SNAP25: variants seen among roughly 807,000 people sequenced by gnomAD.
SNAP25 encodes the protein synaptosomal-associated protein 25.
SNAP25 carries 3 observed loss-of-function variants against 28.7 expected under a neutral mutation model. The observed-to-expected ratio is 0.10, with a 90% CI of 0.05 to 0.27. The LOEUF (loss-of-function observed/expected upper bound fraction) is 0.27. Ranked by LOEUF, SNAP25 falls within the 10% of genes least tolerant of loss-of-function variation. The pLI is 1.00. For synonymous variants in SNAP25, 61 were observed against 88.1 expected, an observed-to-expected ratio of 0.69 and a Z score of 1.72; for missense variants, 117 against 278.7, an observed-to-expected ratio of 0.42 and a Z score of 4.13.
intron 4 of SNAP25, among the ~76,000 whole-genome samples, chr20:10,289,812 T>A (rs1174709120): frequency 1.3e-5 from 2 of 151,122 alleles, no homozygotes; most frequent in African/African-American, 4.9e-5. Flanking sequence ...GAGAGATTAG[T>A]AGAAATTTTG....
intron 1 of SNAP25, among the ~76,000 whole-genome samples, chr20:10,262,666 G>A (rs1239971127): frequency 2.0e-5 from 3 of 152,162 alleles, no homozygotes; most frequent in Admixed American, 2.0e-4. Flanking sequence ...AGGGATTTAT[G>A]TGATAGTGAT....
Position 10,218,847 on chromosome 20 carries a change from A to C in SNAP25, c.-194A>C, listed in dbSNP as rs753075273. 2 of 151,766 alleles carry C rather than the reference A, an allele frequency of 1.3e-5. No individual in the cohort carries two copies. The highest frequency in any genetic ancestry group is 2.4e-5 in the African/African-American group (1 of 41,318). The allele number at this position is 151,766 out of a possible 1,614,324, so 9.4% of individuals were successfully genotyped here. A position where few individuals can be genotyped will look rare whatever the true frequency, so the allele number is the denominator to read the frequency against. On this transcript the variant is annotated 5_prime_UTR_variant, in exon 1 of 8. Transcript: ENST00000254976. ...GGACGGCCATCTTTGATGAGGGCAG[A>C]GCTCACGTTGCATTGAAGACGAAAC...
intron 1 of SNAP25, among the ~76,000 whole-genome samples, chr20:10,241,484 G>A (rs541661393): frequency 9.9e-5 from 15 of 152,182 alleles, no homozygotes; most frequent in African/African-American, 3.6e-4. Context: ...CTCTCGGGGT[G>A]ATTAAATTTT....
At chr20:10,304,163 T>A (rs2064301944) in intron 7 of SNAP25, among the ~76,000 whole-genome samples, 1 of 152,250 alleles carries the variant, frequency 6.6e-6, no homozygotes, top group South Asian at 2.1e-4. Flanking sequence ...ATTCAGACTC[T>A]GGTTTCTCCA....
chr20:10,306,022 AG>A (rs1240094454), intron 7 of SNAP25, 106 bp from the exon 8 acceptor site: 2 of 905,404 alleles, frequency 2.2e-6, no homozygotes, highest in East Asian at 2.6e-5. Context: ...CTGACCAAGG[AG>A]GTTTTAAGTG....
intron 1 of SNAP25, among the ~76,000 whole-genome samples, chr20:10,239,835 G>A (rs2062992826): frequency 6.6e-6 from 1 of 152,176 alleles, no homozygotes; most frequent in African/African-American, 2.4e-5. Flanking sequence ...AGGAGCAGAG[G>A]AGGACAAGAC....
intron 4 of SNAP25, among the ~76,000 whole-genome samples, chr20:10,287,078 T>C (rs4642009): frequency 0.91 from 137,859 of 152,176 alleles, 62,657 homozygotes; most frequent in African/African-American, 0.98. Flanking sequence ...CTAGGCATTA[T>C]CATTCAGGAC....
At position 10,306,240 on chromosome 20, in the gene SNAP25, T is replaced by C; in HGVS notation, c.*43T>C. 6.4e-7 allele frequency: 1 copy of C among 1,571,818 alleles called. No homozygotes were observed. The highest frequency in any genetic ancestry group is 8.8e-7 in the Non-Finnish European group (1 of 1,142,254). On this transcript the variant is annotated 3_prime_UTR_variant, in exon 8 of 8. Coordinates refer to ENST00000254976, the MANE Select transcript of SNAP25 (RefSeq NM_130811.4). Reference sequence around the variant, plus strand: ...CTCCTCCAAATGCTGTCGGGCAAGATAGCTCCTTCATGCTTTTCTCATGGT... The same window carrying C: ...CTCCTCCAAATGCTGTCGGGCAAGACAGCTCCTTCATGCTTTTCTCATGGT...
chr20:10,271,661 A>G (rs754838357), intron 1 of SNAP25, among the ~76,000 whole-genome samples: 5 of 152,238 alleles, frequency 3.3e-5, no homozygotes, highest in Non-Finnish European at 7.3e-5. Flanking sequence ...TCACATGCTG[A>G]GAATAACAAC....
intron 1 of SNAP25, among the ~76,000 whole-genome samples, chr20:10,238,146 A>G (rs981783672): frequency 3.4e-4 from 52 of 151,922 alleles, no homozygotes; most frequent in South Asian, 1.0e-3. Flanking sequence ...ACTCATACCC[A>G]CCCACCCATG....
chr20:10,260,599 C>A (rs1377126709), intron 1 of SNAP25, among the ~76,000 whole-genome samples: 2 of 151,966 alleles, frequency 1.3e-5, no homozygotes, highest in African/African-American at 4.8e-5. Flanking sequence ...ACAAGTGCTA[C>A]CCATGAGAAT....
chr20:10,292,537 G>C (rs748520347), intron 4 of SNAP25, among the ~76,000 whole-genome samples: 19 of 152,142 alleles, frequency 1.2e-4, no homozygotes, highest in Non-Finnish European at 2.2e-4. Flanking sequence ...CGTTAAACTG[G>C]AATGCCTAAA....
intron 4 of SNAP25, among the ~76,000 whole-genome samples, chr20:10,290,180 G>T (rs1422580682): frequency 1.3e-5 from 2 of 152,128 alleles, no homozygotes; most frequent in Non-Finnish European, 2.9e-5. Flanking sequence ...AATCATTGAA[G>T]TGCCATGAAG....
Position 10,306,231 on chromosome 20 carries a change from C to G in SNAP25, c.*34C>G, listed in dbSNP as rs781311888. On this transcript the variant is annotated 3_prime_UTR_variant, in exon 8 of 8. Transcript: ENST00000254976. ...ACCCGTGTTCTCCTCCAAATGCTGT[C>G]GGGCAAGATAGCTCCTTCATGCTTT... The G allele has an allele frequency of 1.3e-6, 2 of 1,599,670 alleles. No individual in the cohort carries two copies. The highest frequency in any genetic ancestry group is 2.7e-5 in the African/African-American group (2 of 74,420).
At chr20:10,251,956 C>T (rs1026877960) in intron 1 of SNAP25, among the ~76,000 whole-genome samples, 27 of 152,296 alleles carry the variant, frequency 1.8e-4, no homozygotes, top group African/African-American at 6.0e-4. Flanking sequence ...TTTGACAGGT[C>T]ACTCCAGCAG....
chr20:10,241,105 G>A (rs887252039), intron 1 of SNAP25, among the ~76,000 whole-genome samples: 6 of 151,316 alleles, frequency 4.0e-5, no homozygotes, highest in African/African-American at 1.5e-4. Context: ...CTGCAGGGCC[G>A]ACATGGGCTT....
At chr20:10,219,064 T>G (rs2062571362) in intron 1 of SNAP25, 87 bp downstream of exon 1, 1 of 152,070 alleles carries the variant, frequency 6.6e-6, no homozygotes, top group Non-Finnish European at 1.5e-5. Flanking sequence ...CCGAGTGGGC[T>G]TGGGTAAATA....
chr20:10,279,174 G>T (rs2063741389), intron 3 of SNAP25, among the ~76,000 whole-genome samples: 1 of 152,148 alleles, frequency 6.6e-6, no homozygotes, highest in Non-Finnish European at 1.5e-5. Context: ...AAATCTACGA[G>T]TACAGGCAAG....
rs35821255 is a variant in SNAP25 at position 10,298,628 on chromosome 20, T to TA, written c.408-634dup. 2.8e-3 allele frequency among the ~76,000 whole-genome samples: 422 copies of TA among 152,258 alleles called. 15 individuals carry two copies. The East Asian group carries it at 0.068, about 25-fold the overall frequency. ...TGAAATCACCTATGCACCATGCCAC[T>TA]AAAAAACCCATGTTATTAACATATG... On this transcript the variant is annotated intron_variant, in intron 6 of 7. Transcript: ENST00000254976.
Sources: allele counts gnomAD v4.1 joint callset (sites outside exome capture counted in the v4.1 genomes callset), GRCh38; gene constraint gnomAD v4.1.1; transcripts MANE v1.5; gene names NCBI Gene and HGNC (gene_info 2026-07-23, HGNC 2026-07-21).